Variants in DYNC2LI1 observed in about 807,000 individuals in gnomAD.
DYNC2LI1 encodes the protein dynein cytoplasmic 2 light intermediate chain 1, also known as cytoplasmic dynein 2 light intermediate chain 1.
Under a neutral mutation model 51.9 loss-of-function variants are expected in DYNC2LI1, and 45 were observed. The ratio of observed to expected loss-of-function variants is 0.87; its 90% CI spans 0.68 to 1.11. DYNC2LI1 has a LOEUF of 1.11. Among genes scored for constraint, DYNC2LI1 ranks in the 50% most tolerant of loss-of-function variants. The pLI is 0.00. For missense variants in DYNC2LI1, 490 were observed against 417.4 expected (o/e 1.17, Z -1.51); for synonymous variants, 130 against 137.8 (o/e 0.94, Z 0.40).
the DYNC2LI1 span, chr2:43,823,030 G>A: frequency 6.5e-7 from 1 of 1,539,884 alleles, no homozygotes; most frequent in South Asian, 1.2e-5. Context: ...GTCAGGGCTG[G>A]ATGGTGAGGA....
chr2:43,781,154 G>A (rs1283129531), intron 2 of DYNC2LI1, among the ~76,000 whole-genome samples: 1 of 151,980 alleles, frequency 6.6e-6, no homozygotes, highest in African/African-American at 2.4e-5. Flanking sequence ...ATCACTTGAG[G>A]CCAGGAGTTC....
chr2:43,814,723 C>G, downstream of DYNC2LI1: 1 of 597,782 alleles, frequency 1.7e-6, no homozygotes, highest in Non-Finnish European at 2.9e-6. Flanking sequence ...ATGATGCTCA[C>G]TATAAAAAAA....
the DYNC2LI1 span, chr2:43,822,368 T>C: frequency 1.7e-4 from 42 of 242,830 alleles, no homozygotes; most frequent in African/African-American, 9.8e-4. Flanking sequence ...CTTCTCTTTC[T>C]ACCTCCCTGA....
intron 8 of DYNC2LI1, among the ~76,000 whole-genome samples, chr2:43,800,128 C>G (rs1352169304): frequency 6.6e-6 from 1 of 152,210 alleles, no homozygotes; most frequent in African/African-American, 2.4e-5. Context: ...CTTTTGGTAT[C>G]TACAGAAATC....
the DYNC2LI1 span, chr2:43,822,658 A>T: frequency 6.5e-7 from 1 of 1,549,120 alleles, no homozygotes; most frequent in Non-Finnish European, 8.7e-7. Flanking sequence ...GGAAGATACG[A>T]CATTGCACTA....
In DYNC2LI1 at chr2:43,795,916, G is replaced by A. The variant is rs752742141; in HGVS notation, c.534G>A (p.Pro178=). ...HPDHELIDPF[P]VPLVIIGSKY... is the part of the protein sequence containing the mutation. ...ATCATGAATTAATTGACCCATTTCCGGTACCTCTGGTCATAATTGGAAGTA... is the reference window on the plus strand; with the variant it reads ...ATCATGAATTAATTGACCCATTTCCAGTACCTCTGGTCATAATTGGAAGTA... Residue 178 remains proline (P), a synonymous_variant, in exon 7 of 13, where the codon CCG becomes CCA. Coordinates refer to ENST00000260605, the MANE Select transcript of DYNC2LI1 (RefSeq NM_016008.4). 6.5e-5 allele frequency: 105 copies of A among 1,613,102 alleles called. No homozygotes were observed. The highest frequency in any genetic ancestry group is 8.1e-5 in the Non-Finnish European group (95 of 1,179,460).
chr2:43,824,186 A>G, the DYNC2LI1 span: 1 of 1,614,056 alleles, frequency 6.2e-7, no homozygotes, highest in Non-Finnish European at 8.5e-7. Context: ...AAAGACCTCT[A>G]ACAGGCATTT....
At chr2:43,816,189 T>C in the DYNC2LI1 span, among the ~76,000 whole-genome samples, 1 of 152,232 alleles carries the variant, frequency 6.6e-6, no homozygotes, top group Non-Finnish European at 1.5e-5. Context: ...CATTTACTTA[T>C]TCACTCAACA....
chr2:43,821,930 C>A, the DYNC2LI1 span, among the ~76,000 whole-genome samples: 1 of 152,070 alleles, frequency 6.6e-6, no homozygotes, highest in Non-Finnish European at 1.5e-5. Flanking sequence ...TGCTTGCATC[C>A]TTGATCCCAT....
At chr2:43,782,337 C>T (rs548630553) in intron 2 of DYNC2LI1, among the ~76,000 whole-genome samples, 189 of 151,788 alleles carry the variant, frequency 1.2e-3, no homozygotes, top group Middle Eastern at 3.4e-3. Context: ...TCAATTTGAT[C>T]GTATTCCAGA....
chr2:43,799,169 T>G lies in DYNC2LI1; in HGVS notation c.655-1672T>G, dbSNP rs563018805. ...TTTTTTAATTAGCCAGTCATCATAGTGCATGCCTGTGATCCTAGCTACTTA... is the reference window on the plus strand; with the variant it reads ...TTTTTTAATTAGCCAGTCATCATAGGGCATGCCTGTGATCCTAGCTACTTA... On this transcript the variant is annotated intron_variant, in intron 8 of 12. Coordinates refer to ENST00000260605, the MANE Select transcript of DYNC2LI1 (RefSeq NM_016008.4). Among the ~76,000 whole-genome samples the G allele has an allele frequency of 2.6e-5, 4 of 152,154 alleles. No homozygotes were observed. The South Asian group carries it at 8.3e-4, about 32-fold the overall frequency.
At chr2:43,824,182 C>A in the DYNC2LI1 span, 36 of 1,613,940 alleles carry the variant, frequency 2.2e-5, no homozygotes, top group Non-Finnish European at 1.9e-5. Flanking sequence ...GGCTAAAGAC[C>A]TCTAACAGGC....
chr2:43,776,603 A>G (rs1673035670), intron 1 of DYNC2LI1, among the ~76,000 whole-genome samples, 179 bp from the exon 2 acceptor site: 1 of 152,248 alleles, frequency 6.6e-6, no homozygotes, highest in South Asian at 2.1e-4. Flanking sequence ...CAAAGCAACA[A>G]AAGAAAAATA....
At chr2:43,796,045 G>A in intron 7 of DYNC2LI1, 87 bp downstream of exon 7, 1 of 942,284 alleles carries the variant, frequency 1.1e-6, no homozygotes. Context: ...ATCAAAATAA[G>A]AAAAATAATT....
At chr2:43,810,638 C>G (rs1666448663), downstream of DYNC2LI1, 1 of 491,298 alleles carries the variant, frequency 2.0e-6, no homozygotes, top group Non-Finnish European at 2.6e-6. Flanking sequence ...CAAGGGAGTA[C>G]TGTCTGAGCA....
chr2:43,815,597 A>G, the DYNC2LI1 span, among the ~76,000 whole-genome samples: 6 of 152,202 alleles, frequency 3.9e-5, no homozygotes, highest in Non-Finnish European at 8.8e-5. Context: ...TGAAAAGGAT[A>G]CGTGGGACTC....
the DYNC2LI1 span, chr2:43,824,576 G>A: frequency 7.1e-6 from 11 of 1,552,284 alleles, no homozygotes; most frequent in Admixed American, 1.5e-4. Context: ...TATAAAATCA[G>A]AATACTTTAA....
In DYNC2LI1 at chr2:43,807,658, A is replaced by G. The variant is rs1043861804; in HGVS notation, c.994-2047A>G. Among the ~76,000 whole-genome samples the G allele has an allele frequency of 2.7e-5, 4 of 147,316 alleles. No individual in the cohort carries two copies. The East Asian group carries it at 6.2e-4, about 23-fold the overall frequency. On this transcript the variant is annotated intron_variant, in intron 12 of 12. Transcript: ENST00000260605. The stretch of plus-strand genomic sequence containing the variant: ...GGTCTTCAACTCCTCGCCTAAAGCA[A>G]TCCTCCTGAGTTGGCCTCCCAAAGT...
chr2:43,806,571 G>A (rs1324166888), intron 12 of DYNC2LI1, among the ~76,000 whole-genome samples: 3 of 152,148 alleles, frequency 2.0e-5, no homozygotes, highest in Non-Finnish European at 2.9e-5. Context: ...TTTGCAGCCT[G>A]GCTATAAGGA....
Sources: gnomAD v4.1 joint callset for allele counts (sites outside exome capture counted in the v4.1 genomes callset) on GRCh38, gnomAD v4.1.1 for gene constraint, MANE v1.5 for transcripts, NCBI Gene and HGNC (gene_info 2026-07-23, HGNC 2026-07-21) for gene names.